Variants in ALDH2 observed in about 807,000 individuals in gnomAD.
The protein encoded by ALDH2 is aldehyde dehydrogenase 2 family member, also known as aldehyde dehydrogenase, mitochondrial.
A neutral mutation model predicts 59.6 loss-of-function variants in ALDH2; 44 were observed. The observed-to-expected ratio is 0.74, with a 90% confidence interval of 0.58 to 0.95. The LOEUF (loss-of-function observed/expected upper bound fraction) is 0.95. ALDH2 is among the 40% of genes least tolerant of loss of function. The pLI is 0.00. For synonymous variants in ALDH2, 291 were observed against 284.0 expected (o/e 1.02, Z -0.25); for missense variants, 570 against 696.3 (o/e 0.82, Z 2.04).
At chr12:111,806,624 C>T (rs184403232) in intron 12 of ALDH2, among the ~76,000 whole-genome samples, 6 of 152,298 alleles carry the variant, frequency 3.9e-5, no homozygotes, top group South Asian at 4.1e-4. Flanking sequence ...ATCAACTAAA[C>T]GTGTTTACTT....
chr12:111,783,497 G>GT (rs2068288762), intron 3 of ALDH2, among the ~76,000 whole-genome samples, 199 bp downstream of exon 3: 1 of 152,036 alleles, frequency 6.6e-6, no homozygotes, highest in African/African-American at 2.4e-5. Flanking sequence ...TGTCTCCTTT[G>GT]TTTTTTTGTT....
intron 1 of ALDH2, among the ~76,000 whole-genome samples, chr12:111,776,487 A>C (rs2068236269): frequency 6.6e-6 from 1 of 152,102 alleles, no homozygotes; most frequent in South Asian, 2.1e-4. Context: ...CAGGCCGGGC[A>C]TGGTGGCGCA....
chr12:111,776,929 C>T (rs2068238696), intron 1 of ALDH2, among the ~76,000 whole-genome samples: 1 of 152,182 alleles, frequency 6.6e-6, no homozygotes, highest in Non-Finnish European at 1.5e-5. Context: ...AAATGATCCA[C>T]CTGCCTTGGC....
In ALDH2 at chr12:111,803,925, C is replaced by T. The variant is rs758384827; in HGVS notation, c.1473C>T (p.Gly491=). 6.2e-7 allele frequency: 1 copy of T among 1,612,914 alleles called. No individual in the cohort carries two copies. Among genetic ancestry groups the T allele is most frequent in the East Asian group, 2.2e-5 (1 of 44,848 alleles). ...GTGGCTACAAGATGTCGGGGAGTGG[C>T]CGGGAGTTGGGCGAGTACGGGCTGC... The part of the protein sequence containing the change: ...PFGGYKMSGS[G]RELGEYGLQA... The change falls in exon 12 of 13, where the codon GGC becomes GGT. Residue 491 remains glycine, a synonymous_variant. Transcript: ENST00000261733.
At chr12:111,805,746 C>T (rs923766373) in intron 12 of ALDH2, among the ~76,000 whole-genome samples, 18 of 152,312 alleles carry the variant, frequency 1.2e-4, no homozygotes, top group South Asian at 6.2e-4. Context: ...ACAAAATGGC[C>T]GGGCGCGGTG....
At chr12:111,786,463 C>T (rs2068310110) in intron 4 of ALDH2, among the ~76,000 whole-genome samples, 1 of 152,052 alleles carries the variant, frequency 6.6e-6, no homozygotes, top group South Asian at 2.1e-4. Flanking sequence ...GTCTCAATCT[C>T]CTGACCTTGT....
chr12:111,795,192 A>G (rs997926066), intron 9 of ALDH2, among the ~76,000 whole-genome samples: 2 of 152,232 alleles, frequency 1.3e-5, no homozygotes, highest in East Asian at 1.9e-4. Context: ...CATTGTGTGA[A>G]TAGACCACAT....
chr12:111,809,455 T>C, intron 12 of ALDH2, 88 bp from the exon 13 acceptor site: 1 of 1,451,478 alleles, frequency 6.9e-7, no homozygotes, highest in Non-Finnish European at 9.6e-7. Flanking sequence ...AAGCCCTTTC[T>C]GCTCACACTT....
At chr12:111,787,496 T>TG (rs2068319098) in intron 4 of ALDH2, among the ~76,000 whole-genome samples, 1 of 152,326 alleles carries the variant, frequency 6.6e-6, no homozygotes, top group South Asian at 2.1e-4. Flanking sequence ...TGGCCAGCTG[T>TG]GGCCAAGGGT....
chr12:111,780,320 T>A (rs937822097), intron 1 of ALDH2, among the ~76,000 whole-genome samples: 1 of 152,114 alleles, frequency 6.6e-6, no homozygotes, highest in African/African-American at 2.4e-5. Context: ...CTTGGTTGGG[T>A]GATGGCCTGG....
chr12:111,767,662 A>G (rs1012828199), intron 1 of ALDH2, among the ~76,000 whole-genome samples: 1 of 152,162 alleles, frequency 6.6e-6, no homozygotes, highest in Non-Finnish European at 1.5e-5. Context: ...GCCGACCCCA[A>G]GGGGTGTCTG....
At position 111,792,635 on chromosome 12, in the gene ALDH2, C is replaced by T. The variant is rs771673604; in HGVS notation, c.936C>T (p.Phe312=). 1 of 1,613,028 alleles carries T rather than the reference C, an allele frequency of 6.2e-7. No individual in the cohort carries two copies. The highest frequency in any genetic ancestry group is 1.7e-5 in the Admixed American group (1 of 59,954). Residue 312 remains phenylalanine, a synonymous_variant, in exon 9 of 13, where the codon TTC becomes TTT. Coordinates refer to ENST00000261733, the MANE Select transcript of ALDH2 (RefSeq NM_000690.4). ...WAVEQAHFAL[F]FNQGQCCCAG... is the part of the protein sequence containing the mutation. ...TGGAACAGGCCCACTTCGCCCTGTT[C>T]TTCAACCAGGGCCAGTGCTGCTGTG...
chr12:111,782,062 G>A (rs372844815), intron 2 of ALDH2, 40 bp downstream of exon 2: 312 of 1,490,004 alleles, frequency 2.1e-4, no homozygotes, highest in African/African-American at 3.6e-4. Flanking sequence ...GGATGGATTC[G>A]TCTTCTATTT....
At chr12:111,799,697 G>T in intron 10 of ALDH2, 1 of 498,480 alleles carries the variant, frequency 2.0e-6, no homozygotes, top group Non-Finnish European at 3.5e-6. Flanking sequence ...TGTATGTAAA[G>T]CCCGGGGCGC....
At chr12:111,800,167 C>A in intron 11 of ALDH2, 104 bp downstream of exon 11, 1 of 1,368,306 alleles carries the variant, frequency 7.3e-7, no homozygotes. Flanking sequence ...GAGCTGGGCT[C>A]AGTTTCTCCT....
intron 10 of ALDH2, 108 bp from the exon 11 acceptor site, chr12:111,799,798 G>A (rs777216699): frequency 7.5e-7 from 1 of 1,332,998 alleles, no homozygotes; most frequent in Admixed American, 2.2e-5. Context: ...GTTAGAGCAT[G>A]GCTGGGGGCT....
rs909340461 is a variant in ALDH2 at position 111,783,148 on chromosome 12, T to C, written c.220-10T>C. On this transcript the variant is annotated splice_polypyrimidine_tract_variant and intron_variant, in intron 2 of 12. Coordinates refer to ENST00000261733, the MANE Select transcript of ALDH2 (RefSeq NM_000690.4). ...TTCCAGGAAGGCTTGAGTTTTCCTG[T>C]GTTTTCTAGGAAGATGTGGACAAGG... is the stretch of plus-strand genomic sequence containing the variant. 5.0e-6 allele frequency: 8 copies of C among 1,603,898 alleles called. No homozygotes were observed. The highest frequency in any genetic ancestry group is 6.8e-6 in the Non-Finnish European group (8 of 1,173,416).
intron 1 of ALDH2, among the ~76,000 whole-genome samples, chr12:111,776,422 G>A (rs950487146): frequency 6.6e-6 from 1 of 152,092 alleles, no homozygotes; most frequent in Non-Finnish European, 1.5e-5. Context: ...CATCTGGGAA[G>A]TGAAGGGATT....
chr12:111,783,053 C>A, intron 2 of ALDH2, 105 bp from the exon 3 acceptor site: 1 of 1,433,760 alleles, frequency 7.0e-7, no homozygotes, highest in Admixed American at 2.1e-5. Context: ...GTTTTCTGTG[C>A]AGCGATATGC....
Sources: gnomAD v4.1 joint callset for allele counts (sites outside exome capture counted in the v4.1 genomes callset) on GRCh38, gnomAD v4.1.1 for gene constraint, MANE v1.5 for transcripts, NCBI Gene and HGNC (gene_info 2026-07-23, HGNC 2026-07-21) for gene names.